TEAD1: variants seen among roughly 807,000 people sequenced by gnomAD.
TEAD1 encodes the protein TEA domain transcription factor 1.
A neutral mutation model predicts 54.9 loss-of-function variants in TEAD1; 9 were observed. That is an observed-to-expected ratio of 0.16 (90% CI 0.10 to 0.29). TEAD1 has a LOEUF of 0.29. Ranked by LOEUF, TEAD1 falls within the 10% of genes least tolerant of loss-of-function variation. The pLI, the probability that TEAD1 is intolerant of heterozygous loss-of-function variation, is 1.00. For missense variants in TEAD1, 387 were observed against 535.9 expected, an observed-to-expected ratio of 0.72 and a Z score of 2.74; for synonymous variants, 200 against 187.8, an observed-to-expected ratio of 1.07 and a Z score of -0.53.
intron 9 of TEAD1, among the ~76,000 whole-genome samples, chr11:12,891,061 G>A (rs191090836): frequency 2.6e-5 from 4 of 152,210 alleles, no homozygotes; most frequent in African/African-American, 7.2e-5. Flanking sequence ...CACCATGCAC[G>A]GCCTCAATTA....
At chr11:12,820,607 G>C (rs1432757089) in intron 3 of TEAD1, among the ~76,000 whole-genome samples, 2 of 152,088 alleles carry the variant, frequency 1.3e-5, no homozygotes, top group African/African-American at 2.4e-5. Context: ...GACATGGTTG[G>C]GTTGAGAGAG....
chr11:12,751,562 TG>T (rs1944870392), intron 2 of TEAD1, among the ~76,000 whole-genome samples: 1 of 152,116 alleles, frequency 6.6e-6, no homozygotes, highest in South Asian at 2.1e-4. Context: ...GGACAGGGAA[TG>T]TGGTATCTTT....
At chr11:12,685,657 T>C (rs535642766) in intron 2 of TEAD1, among the ~76,000 whole-genome samples, 172 of 152,322 alleles carry the variant, frequency 1.1e-3, no homozygotes, top group African/African-American at 3.9e-3. Flanking sequence ...AATGAAACTT[T>C]TTTACTTTAG....
At chr11:12,770,153 A>G (rs909958999) in intron 3 of TEAD1, among the ~76,000 whole-genome samples, 5 of 152,204 alleles carry the variant, frequency 3.3e-5, no homozygotes, top group East Asian at 1.9e-4. Flanking sequence ...CAGATGAGTA[A>G]TGGGGAATTT....
chr11:12,803,032 C>G (rs924348351), intron 3 of TEAD1, among the ~76,000 whole-genome samples: 3 of 152,086 alleles, frequency 2.0e-5, no homozygotes, highest in African/African-American at 7.2e-5. Flanking sequence ...AGACTTCTCT[C>G]TACCCAGCCC....
intron 3 of TEAD1, chr11:12,849,120 T>G (rs561886496): frequency 1.3e-5 from 2 of 152,256 alleles, no homozygotes; most frequent in Non-Finnish European, 2.9e-5. Flanking sequence ...CTGTCTGGGC[T>G]CACTGCAACC....
intron 10 of TEAD1, among the ~76,000 whole-genome samples, chr11:12,911,664 G>T (rs958234714): frequency 2.0e-5 from 3 of 150,096 alleles, no homozygotes; most frequent in Non-Finnish European, 2.9e-5. Flanking sequence ...TAAGTAGACT[G>T]TGGTTACATG....
intron 2 of TEAD1, among the ~76,000 whole-genome samples, chr11:12,753,372 A>G (rs1328811547): frequency 5.3e-5 from 8 of 152,092 alleles, no homozygotes; most frequent in African/African-American, 1.9e-4. Flanking sequence ...GATTGTACCA[A>G]TTTGCGCTCT....
chr11:12,739,235 T>C (rs1944601203), intron 2 of TEAD1, among the ~76,000 whole-genome samples: 1 of 151,336 alleles, frequency 6.6e-6, no homozygotes, highest in South Asian at 2.1e-4. Context: ...TATCTATCTA[T>C]CTATCTATCA....
At chr11:12,765,579 A>G (rs1243673556) in intron 3 of TEAD1, among the ~76,000 whole-genome samples, 1 of 152,134 alleles carries the variant, frequency 6.6e-6, no homozygotes, top group Non-Finnish European at 1.5e-5. Flanking sequence ...ACTAGCACAC[A>G]CTGCTAAGGA....
chr11:12,709,069 A>G (rs760893684), intron 2 of TEAD1, among the ~76,000 whole-genome samples: 7 of 152,122 alleles, frequency 4.6e-5, no homozygotes, highest in African/African-American at 7.2e-5. Context: ...TGGGTGCGGT[A>G]GCTCATGCCT....
intron 5 of TEAD1, among the ~76,000 whole-genome samples, chr11:12,875,998 G>A (rs540907289): frequency 4.6e-5 from 7 of 152,302 alleles, no homozygotes; most frequent in Non-Finnish European, 1.0e-4. Flanking sequence ...GCTCATTAAT[G>A]TCAGGCAGGG....
chr11:12,685,730 A>G (rs1384021691), intron 2 of TEAD1, among the ~76,000 whole-genome samples: 1 of 152,202 alleles, frequency 6.6e-6, no homozygotes, highest in East Asian at 1.9e-4. Flanking sequence ...TACCATGGTA[A>G]CCCATCCTTA....
chr11:12,896,028 A>G (rs1948309408), intron 9 of TEAD1, among the ~76,000 whole-genome samples: 1 of 142,728 alleles, frequency 7.0e-6, no homozygotes, highest in Non-Finnish European at 1.5e-5. Context: ...ATGTGCTTAT[A>G]TCACATTAAA....
At chr11:12,916,969 A>G (rs1449243402) in intron 10 of TEAD1, among the ~76,000 whole-genome samples, 1 of 152,214 alleles carries the variant, frequency 6.6e-6, no homozygotes, top group Non-Finnish European at 1.5e-5. Context: ...TGGAAGTTAC[A>G]GAGGAGCTCA....
chr11:12,912,113 A>G (rs1948627842), intron 10 of TEAD1, among the ~76,000 whole-genome samples: 1 of 152,160 alleles, frequency 6.6e-6, no homozygotes, highest in African/African-American at 2.4e-5. Context: ...TAGGAGGAAA[A>G]GGAGACCTCA....
chr11:12,675,765 A>G (rs1328286301), intron 2 of TEAD1, among the ~76,000 whole-genome samples: 1 of 152,252 alleles, frequency 6.6e-6, no homozygotes, highest in Admixed American at 6.5e-5. Flanking sequence ...AAATCAAAGC[A>G]ATATTTTTAA....
At chr11:12,925,117 T>A in intron 11 of TEAD1, 65 bp downstream of exon 11, 1 of 1,581,210 alleles carries the variant, frequency 6.3e-7, no homozygotes, top group Non-Finnish European at 8.7e-7. Context: ...CTTTAAACCT[T>A]CCTTGGGGCA....
intron 3 of TEAD1, among the ~76,000 whole-genome samples, chr11:12,786,444 G>A (rs566809193): frequency 6.6e-6 from 1 of 152,322 alleles, no homozygotes; most frequent in South Asian, 2.1e-4. Flanking sequence ...CTGGAGTTAG[G>A]AGTAGGATTG....
Sources: gnomAD v4.1 joint callset for allele counts (sites outside exome capture counted in the v4.1 genomes callset) on GRCh38, gnomAD v4.1.1 for gene constraint, MANE v1.5 for transcripts, NCBI Gene and HGNC (gene_info 2026-07-23, HGNC 2026-07-21) for gene names.